Variants in STPG2 observed in about 807,000 individuals in gnomAD.
STPG2 encodes the protein sperm tail PG-rich repeat containing 2, also known as sperm-tail PG-rich repeat-containing protein 2.
STPG2 carries 56 observed loss-of-function variants against 54.2 expected under a neutral mutation model. The observed-to-expected ratio is 1.03, with a 90% CI of 0.83 to 1.29. The LOEUF (loss-of-function observed/expected upper bound fraction) is 1.29. Among genes scored for constraint, STPG2 ranks in the 50% most tolerant of loss-of-function variants. The pLI is 0.00. For synonymous variants in STPG2, 200 were observed against 181.8 expected (o/e 1.10, Z -0.81); for missense variants, 596 against 544.9 (o/e 1.09, Z -0.93).
At chr4:97,870,804 A>G (rs183912744) in intron 8 of STPG2, among the ~76,000 whole-genome samples, 9 of 151,408 alleles carry the variant, frequency 5.9e-5, no homozygotes, top group Admixed American at 4.0e-4. Flanking sequence ...CAATACACCA[A>G]TAACGTAAAT....
intron 9 of STPG2, among the ~76,000 whole-genome samples, chr4:97,754,902 C>T (rs1198747525): frequency 6.6e-6 from 1 of 152,066 alleles, no homozygotes; most frequent in Admixed American, 6.6e-5. Context: ...TTGAGGCCAT[C>T]CTAGAAACCT....
rs140661276 is a variant in STPG2, at chr4:97,974,937, G to C, written c.773-2497C>G. ...CAGCTGATGAATAAGTAAACAAAAT[G>C]TGCTACACCCAAACCATGGCATACT... On this transcript the variant is annotated intron_variant, in intron 6 of 10. Transcript: ENST00000295268. 4.2e-3 allele frequency among the ~76,000 whole-genome samples: 642 copies of C among 152,186 alleles called. 3 individuals are homozygous for C. The highest frequency in any genetic ancestry group is 0.024 in the South Asian group (117 of 4,818).
chr4:97,498,725 T>G (rs532237275), intron 4 of STPG2, among the ~76,000 whole-genome samples: 1 of 152,038 alleles, frequency 6.6e-6, no homozygotes, highest in Admixed American at 6.6e-5. Flanking sequence ...GTCGATTTAT[T>G]TTTAACTATT....
At chr4:97,469,438 C>T (rs749756161) in intron 4 of STPG2, among the ~76,000 whole-genome samples, 4 of 151,930 alleles carry the variant, frequency 2.6e-5, no homozygotes, top group Non-Finnish European at 5.9e-5. Flanking sequence ...CATTGGGTTG[C>T]CCCATTATTA....
chr4:97,945,188 T>A (rs1733160253), intron 7 of STPG2, among the ~76,000 whole-genome samples: 1 of 152,172 alleles, frequency 6.6e-6, no homozygotes, highest in African/African-American at 2.4e-5. Flanking sequence ...CAATAAGTAG[T>A]TTTTTATCCC....
At chr4:98,122,186 T>G (rs1000040190) in intron 3 of STPG2, among the ~76,000 whole-genome samples, 32 of 152,212 alleles carry the variant, frequency 2.1e-4, no homozygotes, top group Admixed American at 2.0e-3. Context: ...TTGAATAAAC[T>G]TTATGTCTCT....
intron 4 of STPG2, among the ~76,000 whole-genome samples, chr4:97,441,842 A>G (rs1421813188): frequency 2.0e-5 from 3 of 152,056 alleles, no homozygotes; most frequent in Non-Finnish European, 4.4e-5. Flanking sequence ...TCATGATAAT[A>G]GTGAGTCTAA....
intron 8 of STPG2, among the ~76,000 whole-genome samples, chr4:97,931,832 G>A (rs1179760523): frequency 6.6e-6 from 1 of 151,710 alleles, no homozygotes; most frequent in Admixed American, 6.6e-5. Flanking sequence ...GCTCTTCTTT[G>A]TACATCTGGT....
intron 8 of STPG2, among the ~76,000 whole-genome samples, chr4:97,909,121 CAAAA>C (rs1686055298): frequency 6.6e-6 from 1 of 150,666 alleles, no homozygotes; most frequent in Admixed American, 6.6e-5. Flanking sequence ...AAAACAAAAA[CAAAA>C]ACAAACAGAA....
At chr4:98,005,769 G>C (rs1032820839) in intron 5 of STPG2, among the ~76,000 whole-genome samples, 1 of 152,114 alleles carries the variant, frequency 6.6e-6, no homozygotes, top group Non-Finnish European at 1.5e-5. Flanking sequence ...AATTTGACTT[G>C]ATAGTATATT....
At chr4:98,084,396 C>G (rs1223228337) in intron 5 of STPG2, among the ~76,000 whole-genome samples, 1 of 152,078 alleles carries the variant, frequency 6.6e-6, no homozygotes, top group Non-Finnish European at 1.5e-5. Context: ...GGGAAATAGT[C>G]ATAATAACAA....
At chr4:97,857,086 C>T (rs546362362) in intron 8 of STPG2, among the ~76,000 whole-genome samples, 2 of 151,996 alleles carry the variant, frequency 1.3e-5, no homozygotes, top group Admixed American at 6.6e-5. Flanking sequence ...TTTTTGTTAT[C>T]GATGTTCACC....
chr4:98,114,909 G>C (rs1739472484), intron 3 of STPG2, among the ~76,000 whole-genome samples: 1 of 150,622 alleles, frequency 6.6e-6, no homozygotes, highest in East Asian at 1.9e-4. Context: ...TAAAAATACA[G>C]ACAGAAAACA....
chr4:98,026,246 G>T, intron 5 of STPG2: 1 of 950,746 alleles, frequency 1.1e-6, no homozygotes, highest in Non-Finnish European at 1.7e-6. Context: ...CAAGAGCTCA[G>T]GAGTGGGCTG....
intron 8 of STPG2, among the ~76,000 whole-genome samples, chr4:97,898,887 G>T (rs972176568): frequency 5.3e-5 from 8 of 151,594 alleles, no homozygotes; most frequent in Non-Finnish European, 1.2e-4. Context: ...TAATGAAAAT[G>T]AAAGGAAATG....
chr4:97,840,637 T>C (rs1728768244), intron 9 of STPG2, 136 bp downstream of exon 9: 1 of 920,588 alleles, frequency 1.1e-6, no homozygotes, highest in African/African-American at 1.7e-5. Flanking sequence ...ACAGCACTGA[T>C]GAGAAAAATG....
At chr4:97,879,355 AG>A (rs1470573549) in intron 8 of STPG2, among the ~76,000 whole-genome samples, 1 of 152,300 alleles carries the variant, frequency 6.6e-6, no homozygotes, top group Non-Finnish European at 1.5e-5. Context: ...CTGCTGATAA[AG>A]ACATACCTGA....
chr4:97,643,701 C>T (rs1201860152), intron 10 of STPG2, among the ~76,000 whole-genome samples: 2 of 151,714 alleles, frequency 1.3e-5, no homozygotes, highest in Non-Finnish European at 3.0e-5. Flanking sequence ...TTTCAGTTTA[C>T]TTCTATAAGC....
rs556781496 is a variant in STPG2 at position 97,489,025 on chromosome 4, T to C, written c.462+223674A>G. On this transcript the variant is annotated intron_variant, in intron 4 of 4. Transcript: ENST00000522676. ...ATGGGAAGAACCCAGTGGGAGGTCA[T>C]TGAATCATGGGGGCGGGTCTTTCCC... Among the ~76,000 whole-genome samples the C allele has an allele frequency of 3.3e-5, 5 of 151,698 alleles. 1 individual carries two copies. Among genetic ancestry groups the C allele is most frequent in the Middle Eastern group, 6.3e-3 (2 of 316 alleles).
Sources: allele counts gnomAD v4.1 joint callset (sites outside exome capture counted in the v4.1 genomes callset), GRCh38; gene constraint gnomAD v4.1.1; transcripts MANE v1.5; gene names NCBI Gene and HGNC (gene_info 2026-07-23, HGNC 2026-07-21).